FILIP1L: variants seen among roughly 807,000 people sequenced by gnomAD.
FILIP1L encodes filamin A-interacting protein 1-like.
A neutral mutation model predicts 96.6 loss-of-function variants in FILIP1L; 55 were observed. That is an observed-to-expected ratio of 0.57 (90% confidence interval 0.46 to 0.71). The LOEUF (loss-of-function observed/expected upper bound fraction) is 0.71, where lower values mean the gene tolerates loss of function less well. Ranked by LOEUF, FILIP1L falls within the 30% of genes least tolerant of loss-of-function variation. The pLI, the probability that FILIP1L is intolerant of heterozygous loss-of-function variation, is 0.00. For missense variants in FILIP1L, 1,304 were observed against 1,321.2 expected, an observed-to-expected ratio of 0.99 and a Z score of 0.20; for synonymous variants, 467 against 473.9, an observed-to-expected ratio of 0.99 and a Z score of 0.19.
intron 1 of FILIP1L, among the ~76,000 whole-genome samples, chr3:99,947,137 C>A (rs367869979): frequency 9.7e-3 from 854 of 88,496 alleles, no homozygotes; most frequent in South Asian, 0.013. Flanking sequence ...GACTCTGTCT[C>A]AAAAAAAAAA....
chr3:99,953,674 A>C (rs938705537), intron 1 of FILIP1L, among the ~76,000 whole-genome samples: 3 of 152,198 alleles, frequency 2.0e-5, no homozygotes, highest in Non-Finnish European at 4.4e-5. Flanking sequence ...ATATATTTGA[A>C]ACACTGATTA....
chr3:99,830,255 A>T lies in FILIP1L; in HGVS notation c.*159T>A, dbSNP rs1017426950. ...CATATACACATATAGAAGTAAAATAATTGTAGACGTGCTGCTTTTTGGGGG... is the reference window on the plus strand; with the variant it reads ...CATATACACATATAGAAGTAAAATATTTGTAGACGTGCTGCTTTTTGGGGG... On this transcript the variant is annotated 3_prime_UTR_variant, in exon 6 of 6. Coordinates refer to ENST00000477258, the MANE Select transcript of FILIP1L (RefSeq NM_001387850.1). The T allele has an allele frequency of 2.9e-6, 1 of 342,220 alleles. No homozygotes were observed. Among genetic ancestry groups the T allele is most frequent in the African/African-American group, 2.1e-5 (1 of 46,590 alleles). The allele number at this position is 342,220 out of a possible 1,614,324, so 21.2% of individuals were successfully genotyped here.
chr3:99,846,948 ATT>A (rs1403514370), intron 5 of FILIP1L, among the ~76,000 whole-genome samples: 1 of 152,210 alleles, frequency 6.6e-6, no homozygotes, highest in Admixed American at 6.5e-5. Context: ...CATACTTGTA[ATT>A]TAAATGTTCC....
At chr3:99,986,341 A>G (rs1035578716) in intron 1 of FILIP1L, among the ~76,000 whole-genome samples, 1 of 152,226 alleles carries the variant, frequency 6.6e-6, no homozygotes, top group South Asian at 2.1e-4. Context: ...CCATAAAGAC[A>G]TATCATTGTA....
chr3:99,959,101 A>C (rs1459875032), intron 1 of FILIP1L, among the ~76,000 whole-genome samples: 1 of 152,236 alleles, frequency 6.6e-6, no homozygotes, highest in African/African-American at 2.4e-5. Context: ...AATTTAAAAA[A>C]AATTCATTGT....
intron 4 of FILIP1L, among the ~76,000 whole-genome samples, chr3:99,880,895 T>C (rs1413886695): frequency 6.6e-6 from 1 of 152,082 alleles, no homozygotes; most frequent in Non-Finnish European, 1.5e-5. Flanking sequence ...TATATGTGTA[T>C]GTATATTATG....
rs1349670272 is a variant in FILIP1L at position 99,850,731 on chromosome 3, A to T, written c.945T>A (p.Asn315Lys). 1 of 1,613,960 alleles carries T rather than the reference A, an allele frequency of 6.2e-7. No individual in the cohort carries two copies. The highest frequency in any genetic ancestry group is 8.5e-7 in the Non-Finnish European group (1 of 1,179,984). Residue 315 changes from asparagine (N) to lysine (K), a missense_variant, in exon 5 of 6, where the codon AAT (asparagine) becomes AAA (lysine). Transcript: ENST00000477258. ...DQDTIMAKLTNEDSQNRQLQQ... is the reference protein window; with the variant it reads ...DQDTIMAKLTKEDSQNRQLQQ... ...GAAGCTGGCGATTTTGACTGTCCTCATTGGTGAGCTTCGCCATAATTGTGT... is the reference window on the plus strand; with the variant it reads ...GAAGCTGGCGATTTTGACTGTCCTCTTTGGTGAGCTTCGCCATAATTGTGT...
chr3:99,984,525 C>T (rs1432000545), intron 1 of FILIP1L, among the ~76,000 whole-genome samples: 2 of 152,124 alleles, frequency 1.3e-5, no homozygotes, highest in East Asian at 3.9e-4. Flanking sequence ...GGTCAGTGGT[C>T]CTCTAGCCCC....
At chr3:99,971,141 T>C (rs1006511817) in intron 1 of FILIP1L, among the ~76,000 whole-genome samples, 1 of 152,026 alleles carries the variant, frequency 6.6e-6, no homozygotes, top group Admixed American at 6.5e-5. Context: ...ATCGAGACCA[T>C]CCTGGCTAAC....
intron 1 of FILIP1L, among the ~76,000 whole-genome samples, chr3:100,027,287 G>C (rs1284922357): frequency 1.3e-5 from 2 of 152,012 alleles, no homozygotes; most frequent in Admixed American, 1.3e-4. Context: ...TTGTGTATTT[G>C]TTCACTGCTG....
At chr3:100,032,819 T>A (rs879860920) in intron 1 of FILIP1L, among the ~76,000 whole-genome samples, 3 of 152,182 alleles carry the variant, frequency 2.0e-5, no homozygotes, top group Non-Finnish European at 4.4e-5. Context: ...ATGACACTTA[T>A]GACAATGATA....
At chr3:100,009,596 A>G (rs1201958725) in intron 1 of FILIP1L, among the ~76,000 whole-genome samples, 2 of 152,182 alleles carry the variant, frequency 1.3e-5, no homozygotes, top group African/African-American at 4.8e-5. Context: ...GGCACCTTTC[A>G]TGAACATCAG....
chr3:100,021,958 TGTGAGAGAGAGAGAGAGA>T (rs2064831301), intron 1 of FILIP1L, among the ~76,000 whole-genome samples: 3 of 94,880 alleles, frequency 3.2e-5, no homozygotes, highest in African/African-American at 1.1e-4. Context: ...TGTGTGTGTG[TGTGAGAGAGAGAGAGAGA>T]GAGAGAGAGA....
At chr3:99,930,419 T>C (rs1332513909) in intron 2 of FILIP1L, among the ~76,000 whole-genome samples, 1 of 152,172 alleles carries the variant, frequency 6.6e-6, no homozygotes, top group African/African-American at 2.4e-5. Flanking sequence ...TAGGAGCCAG[T>C]TCACTTGGGG....
intron 4 of FILIP1L, among the ~76,000 whole-genome samples, chr3:99,875,053 TGTTAAA>T (rs1202306888): frequency 1.3e-5 from 2 of 152,362 alleles, no homozygotes; most frequent in Middle Eastern, 3.4e-3. Flanking sequence ...GTCACATAGT[TGTTAAA>T]GTTTTATTTT....
chr3:100,044,289 A>G (rs1479384497), intron 1 of FILIP1L, among the ~76,000 whole-genome samples: 1 of 152,250 alleles, frequency 6.6e-6, no homozygotes, highest in Non-Finnish European at 1.5e-5. Context: ...TGCCCTAATG[A>G]AGTTTATATT....
At chr3:100,050,562 C>T (rs765109194) in intron 1 of FILIP1L, among the ~76,000 whole-genome samples, 5 of 152,104 alleles carry the variant, frequency 3.3e-5, no homozygotes, top group African/African-American at 1.2e-4. Context: ...GACAGAGTCT[C>T]GCTCTATTGC....
At chr3:99,845,460 A>T (rs184907400) in intron 5 of FILIP1L, among the ~76,000 whole-genome samples, 1 of 152,168 alleles carries the variant, frequency 6.6e-6, no homozygotes, top group Non-Finnish European at 1.5e-5. Flanking sequence ...GTGAGCCCTC[A>T]TGGACCAAAG....
chr3:99,854,974 G>A (rs1943886338), intron 4 of FILIP1L, among the ~76,000 whole-genome samples: 1 of 152,078 alleles, frequency 6.6e-6, no homozygotes, highest in Non-Finnish European at 1.5e-5. Flanking sequence ...GTCTGGGGTG[G>A]GCCTCACAAT....
Sources: allele counts gnomAD v4.1 joint callset (sites outside exome capture counted in the v4.1 genomes callset), GRCh38; gene constraint gnomAD v4.1.1; transcripts MANE v1.5; gene names NCBI Gene and HGNC (gene_info 2026-07-23, HGNC 2026-07-21).